The following EPHA6 variants were observed in gnomAD, a reference collection of about 807,000 sequenced individuals.
EPHA6 encodes the protein ephrin type-A receptor 6.
A neutral mutation model predicts 112.0 loss-of-function variants in EPHA6; 50 were observed. The ratio of observed to expected loss-of-function variants is 0.45; its 90% CI spans 0.36 to 0.56. The LOEUF is 0.56. Among genes scored for constraint, EPHA6 ranks in the 20% least tolerant of loss-of-function variants. The pLI is 0.00. For synonymous variants in EPHA6, 529 were observed against 490.7 expected, an observed-to-expected ratio of 1.08 and a Z score of -1.03; for missense variants, 1,280 against 1,417.4, an observed-to-expected ratio of 0.90 and a Z score of 1.56.
intron 6 of EPHA6, among the ~76,000 whole-genome samples, chr3:97,418,856 G>A (rs1222425670): frequency 6.6e-6 from 1 of 152,048 alleles, no homozygotes; most frequent in African/African-American, 2.4e-5. Flanking sequence ...AGTTGTAAAG[G>A]AAATTCAAGT....
intron 14 of EPHA6, among the ~76,000 whole-genome samples, chr3:97,689,811 G>T (rs1010242364): frequency 4.0e-5 from 6 of 151,708 alleles, no homozygotes; most frequent in Non-Finnish European, 5.9e-5. Context: ...TCCCCTTCCC[G>T]CTCTTTCCCA....
intron 6 of EPHA6, among the ~76,000 whole-genome samples, chr3:97,423,968 G>A (rs553866373): frequency 6.6e-6 from 1 of 152,254 alleles, no homozygotes; most frequent in East Asian, 1.9e-4. Context: ...ATTGAAACCG[G>A]CCCTCTTCTC....
At chr3:97,410,956 C>T (rs1274945031) in intron 6 of EPHA6, among the ~76,000 whole-genome samples, 1 of 151,852 alleles carries the variant, frequency 6.6e-6, no homozygotes. Flanking sequence ...TGTTACATGA[C>T]ATCAGAACTA....
chr3:97,501,022 T>TA (rs1167849549), intron 10 of EPHA6, among the ~76,000 whole-genome samples: 2 of 152,146 alleles, frequency 1.3e-5, no homozygotes, highest in Non-Finnish European at 2.9e-5. Flanking sequence ...AACCAACACT[T>TA]ACTATTTGGG....
chr3:97,136,780 A>G (rs1404988641), intron 3 of EPHA6, among the ~76,000 whole-genome samples: 2 of 152,186 alleles, frequency 1.3e-5, no homozygotes, highest in African/African-American at 2.4e-5. Flanking sequence ...TCAATCTAGT[A>G]TTAATTATCC....
At chr3:97,285,406 A>G (rs760228705) in intron 5 of EPHA6, among the ~76,000 whole-genome samples, 6 of 152,074 alleles carry the variant, frequency 3.9e-5, no homozygotes, top group African/African-American at 9.7e-5. Context: ...TTTGCTCACT[A>G]TCATTCTACT....
intron 17 of EPHA6, 108 bp downstream of exon 17, chr3:97,747,680 T>C: frequency 1.0e-6 from 1 of 981,988 alleles, no homozygotes; most frequent in Non-Finnish European, 1.4e-6. Flanking sequence ...AATTTCCAAG[T>C]CTTTGCTCAC....
chr3:97,298,840 A>G (rs993730426), intron 5 of EPHA6, among the ~76,000 whole-genome samples: 6 of 152,108 alleles, frequency 3.9e-5, no homozygotes, highest in Non-Finnish European at 7.4e-5. Context: ...CCACTGAAAT[A>G]TATTGTCTAA....
Position 96,868,804 on chromosome 3 carries a change from G to C in EPHA6, c.450+1915G>C, listed in dbSNP as rs575326556. ...ATTGACATTTTTGAAATTGTATAAT[G>C]TGCTACATAAAATATAGGTAATTTA... is the stretch of plus-strand genomic sequence containing the variant. On this transcript the variant is annotated intron_variant, in intron 2 of 17. Transcript: ENST00000389672. Among the ~76,000 whole-genome samples the C allele has an allele frequency of 7.7e-4, 117 of 151,998 alleles. 1 individual carries two copies. The highest frequency in any genetic ancestry group is 2.7e-3 in the African/African-American group (112 of 41,516).
chr3:96,986,581 A>G (rs1006757318), intron 2 of EPHA6, among the ~76,000 whole-genome samples: 1 of 152,164 alleles, frequency 6.6e-6, no homozygotes. Flanking sequence ...ACTTAAAATT[A>G]TAACCCTCTT....
At chr3:97,199,956 T>C (rs2077538339) in intron 3 of EPHA6, among the ~76,000 whole-genome samples, 1 of 152,138 alleles carries the variant, frequency 6.6e-6, no homozygotes, top group Admixed American at 6.6e-5. Context: ...CAATTGTCTT[T>C]TAAACAGAGA....
chr3:97,577,548 G>T (rs921548718), intron 11 of EPHA6, among the ~76,000 whole-genome samples: 2 of 151,884 alleles, frequency 1.3e-5, no homozygotes, highest in Admixed American at 6.6e-5. Flanking sequence ...ACAAAAAATT[G>T]TTTCCAATTT....
At chr3:97,450,551 A>C (rs999879334) in intron 7 of EPHA6, among the ~76,000 whole-genome samples, 1 of 152,058 alleles carries the variant, frequency 6.6e-6, no homozygotes, top group Admixed American at 6.6e-5. Flanking sequence ...CATTTGGTGT[A>C]ATATTAACAA....
At chr3:97,015,651 CA>C (rs1170951980) in intron 3 of EPHA6, among the ~76,000 whole-genome samples, 1 of 152,052 alleles carries the variant, frequency 6.6e-6, no homozygotes, top group African/African-American at 2.4e-5. Flanking sequence ...AAAAGGGACA[CA>C]TTAAAATACA....
chr3:97,021,878 A>G (rs2107982923), intron 3 of EPHA6, among the ~76,000 whole-genome samples: 1 of 152,280 alleles, frequency 6.6e-6, no homozygotes, highest in Non-Finnish European at 1.5e-5. Flanking sequence ...AGATCATCAC[A>G]TGGTCGATGC....
intron 7 of EPHA6, among the ~76,000 whole-genome samples, chr3:97,464,895 A>G (rs1188333000): frequency 6.6e-6 from 1 of 152,112 alleles, no homozygotes; most frequent in African/African-American, 2.4e-5. Context: ...AATTTGATAA[A>G]GTTGGTGATG....
At chr3:97,511,336 C>T (rs562601439) in intron 10 of EPHA6, among the ~76,000 whole-genome samples, 47 of 152,318 alleles carry the variant, frequency 3.1e-4, no homozygotes, top group African/African-American at 1.1e-3. Context: ...ATCTCCTGTT[C>T]TGCGGGTTGT....
intron 3 of EPHA6, among the ~76,000 whole-genome samples, chr3:97,225,089 G>A (rs1368567239): frequency 6.6e-6 from 1 of 152,146 alleles, no homozygotes; most frequent in African/African-American, 2.4e-5. Context: ...CCGAGTAGCT[G>A]GGACTACAGG....
chr3:97,401,840 C>T (rs968463194), intron 5 of EPHA6, among the ~76,000 whole-genome samples: 3 of 151,612 alleles, frequency 2.0e-5, no homozygotes, highest in Non-Finnish European at 3.0e-5. Flanking sequence ...CTTTGTATAT[C>T]TCTTAGGTTT....
Sources: allele counts gnomAD v4.1 joint callset (sites outside exome capture counted in the v4.1 genomes callset), GRCh38; gene constraint gnomAD v4.1.1; transcripts MANE v1.5; gene names NCBI Gene and HGNC (gene_info 2026-07-23, HGNC 2026-07-21).